METTL15: variants seen among roughly 807,000 people sequenced by gnomAD.
METTL15 encodes methyltransferase 15, mitochondrial 12S rRNA N4-cytidine.
A neutral mutation model predicts 38.3 loss-of-function variants in METTL15; 34 were observed. The observed-to-expected ratio is 0.89, with a 90% CI of 0.68 to 1.18. The LOEUF is 1.18. METTL15 is among the 50% of genes most tolerant of loss of function. METTL15 has a pLI of 0.00. For synonymous variants in METTL15, 162 were observed against 170.9 expected (o/e 0.95, Z 0.41); for missense variants, 438 against 498.4 (o/e 0.88, Z 1.15).
At chr11:28,165,755 A>G (rs868169961) in intron 3 of METTL15, among the ~76,000 whole-genome samples, 29 of 151,596 alleles carry the variant, frequency 1.9e-4, no homozygotes, top group South Asian at 2.1e-4. Context: ...AGCTTTTCCC[A>G]TATGTTTTCT....
intron 6 of METTL15, among the ~76,000 whole-genome samples, chr11:28,525,970 G>A (rs564531230): frequency 1.9e-4 from 29 of 152,338 alleles, no homozygotes; most frequent in Admixed American, 7.8e-4. Flanking sequence ...AAGGCCCGGC[G>A]AGAAATTGAG....
chr11:28,440,382 A>G (rs1176105497), intron 6 of METTL15, among the ~76,000 whole-genome samples: 1 of 152,200 alleles, frequency 6.6e-6, no homozygotes, highest in Non-Finnish European at 1.5e-5. Flanking sequence ...ACTTTTTGCC[A>G]CAAAAGAAAA....
chr11:28,386,983 G>T lies in METTL15; in HGVS notation c.*358+24947G>T, dbSNP rs574698810. Among the ~76,000 whole-genome samples the T allele has an allele frequency of 1.1e-4, 16 of 151,868 alleles. No individual in the cohort carries two copies. The East Asian group carries it at 2.7e-3, about 26-fold the overall frequency. On this transcript the variant is annotated intron_variant and NMD_transcript_variant, in intron 5 of 7. Transcript: ENST00000532947. ...TTGGGTCAAAGAACATATAACAAGG[G>T]AATTCAAAAATATCTTGAGAAAAAT...
intron 5 of METTL15, chr11:28,424,238 A>C (rs1430391787): frequency 6.6e-6 from 1 of 152,204 alleles, no homozygotes; most frequent in Non-Finnish European, 1.5e-5. Flanking sequence ...CAGAAAACTA[A>C]AAATGTCTAG....
At chr11:28,378,377 G>T (rs1186905931) in intron 5 of METTL15, among the ~76,000 whole-genome samples, 2 of 152,222 alleles carry the variant, frequency 1.3e-5, no homozygotes, top group African/African-American at 2.4e-5. Context: ...TTTTAAGCCT[G>T]TCGGAAAAGC....
chr11:28,109,575 A>C (rs1276198630), intron 1 of METTL15, among the ~76,000 whole-genome samples: 1 of 152,234 alleles, frequency 6.6e-6, no homozygotes, highest in Non-Finnish European at 1.5e-5. Flanking sequence ...TTCAGAATTG[A>C]GTCATTTGTC....
chr11:28,242,665 A>G (rs1268556183), intron 4 of METTL15, among the ~76,000 whole-genome samples: 2 of 151,998 alleles, frequency 1.3e-5, no homozygotes, highest in African/African-American at 4.8e-5. Flanking sequence ...TTCTATATCT[A>G]TTTTAATTTT....
chr11:28,156,805 T>G (rs1242237567), intron 3 of METTL15, among the ~76,000 whole-genome samples: 1 of 152,194 alleles, frequency 6.6e-6, no homozygotes, highest in Admixed American at 6.5e-5. Flanking sequence ...ACAATTATTT[T>G]ATACTTTGGT....
intron 4 of METTL15, among the ~76,000 whole-genome samples, chr11:28,289,575 T>C (rs1856427375): frequency 6.6e-6 from 1 of 152,172 alleles, no homozygotes; most frequent in South Asian, 2.1e-4. Flanking sequence ...TTAGTATAGC[T>C]GCAAGGTGAT....
intron 4 of METTL15, among the ~76,000 whole-genome samples, chr11:28,231,439 T>G (rs1279758435): frequency 6.6e-6 from 1 of 151,876 alleles, no homozygotes; most frequent in African/African-American, 2.4e-5. Flanking sequence ...AGTTAGCTAT[T>G]TAAGGAATAC....
In METTL15 at chr11:28,430,150, C is replaced by T. The variant is rs1262545645; in HGVS notation, c.*424+5786C>T. ...CACCCCGTCTGAGAAGTGAGGAGCC[C>T]CTCCGCCCGGCAGCTGCCCCGTCTG... On this transcript the variant is annotated intron_variant and NMD_transcript_variant, in intron 6 of 7. Transcript: ENST00000532947. Among the ~76,000 whole-genome samples the T allele has an allele frequency of 7.9e-5, 12 of 151,426 alleles. 1 individual carries two copies. Among genetic ancestry groups the T allele is most frequent in the Admixed American group, 6.6e-4 (10 of 15,222 alleles).
At chr11:28,147,637 A>G (rs1324288412) in intron 3 of METTL15, among the ~76,000 whole-genome samples, 1 of 151,750 alleles carries the variant, frequency 6.6e-6, no homozygotes, top group African/African-American at 2.4e-5. Context: ...ACAGTAACCT[A>G]TTGGGTTTTT....
intron 6 of METTL15, among the ~76,000 whole-genome samples, chr11:28,472,115 C>T (rs1851308982): frequency 6.6e-6 from 1 of 152,088 alleles, no homozygotes; most frequent in Non-Finnish European, 1.5e-5. Context: ...AAACTAAAGC[C>T]ATTTAAATTG....
intron 6 of METTL15, among the ~76,000 whole-genome samples, chr11:28,301,331 G>T (rs1467573777): frequency 1.3e-5 from 2 of 152,042 alleles, no homozygotes; most frequent in African/African-American, 4.8e-5. Flanking sequence ...TTAGAGCTCA[G>T]TTGAAATGCC....
At chr11:28,397,422 G>A (rs1411010838) in intron 5 of METTL15, among the ~76,000 whole-genome samples, 3 of 152,114 alleles carry the variant, frequency 2.0e-5, no homozygotes, top group Non-Finnish European at 4.4e-5. Context: ...CCATCAAGTG[G>A]GTGAAAGATA....
intron 4 of METTL15, among the ~76,000 whole-genome samples, chr11:28,279,168 C>T (rs538432623): frequency 1.1e-4 from 16 of 152,124 alleles, no homozygotes; most frequent in Admixed American, 2.0e-4. Flanking sequence ...AATTTTGTAT[C>T]AGGGTTATAT....
At chr11:28,276,092 C>A (rs1293941366) in intron 4 of METTL15, among the ~76,000 whole-genome samples, 1 of 151,932 alleles carries the variant, frequency 6.6e-6, no homozygotes, top group African/African-American at 2.4e-5. Flanking sequence ...GGAAGTCTTA[C>A]CCAGAGTAAG....
chr11:28,528,459 T>C (rs544217194), downstream of METTL15, among the ~76,000 whole-genome samples: 1 of 152,310 alleles, frequency 6.6e-6, no homozygotes, highest in East Asian at 1.9e-4. Flanking sequence ...TGCTTTCCCA[T>C]CTGAACCGAG....
chr11:28,222,266 C>T (rs867264051), intron 4 of METTL15, among the ~76,000 whole-genome samples: 1 of 152,300 alleles, frequency 6.6e-6, no homozygotes, highest in Middle Eastern at 3.4e-3. Context: ...GCGCCCCTCC[C>T]CCAGCCTGGC....
Sources: gnomAD v4.1 joint callset for allele counts (sites outside exome capture counted in the v4.1 genomes callset) on GRCh38, gnomAD v4.1.1 for gene constraint, MANE v1.5 for transcripts, NCBI Gene and HGNC (gene_info 2026-07-23, HGNC 2026-07-21) for gene names.